Variants in TMA16 observed in about 807,000 individuals in gnomAD.
TMA16 encodes the protein translation machinery-associated protein 16.
Under a neutral mutation model 27.1 loss-of-function variants are expected in TMA16, and 26 were observed. That is an observed-to-expected ratio of 0.96 (90% confidence interval 0.70 to 1.33). The LOEUF (loss-of-function observed/expected upper bound fraction) is 1.33. Ranked by LOEUF, TMA16 falls within the 40% of genes most tolerant of loss-of-function variation. TMA16 has a pLI of 0.00. For missense variants in TMA16, 233 were observed against 241.4 expected, an observed-to-expected ratio of 0.97 and a Z score of 0.23; for synonymous variants, 71 against 81.9, an observed-to-expected ratio of 0.87 and a Z score of 0.72.
rs1737621475 is a variant in TMA16, at chr4:163,499,880, AAC to A, written c.3+5082_3+5083del. On this transcript the variant is annotated intron_variant, in intron 1 of 6. Transcript: ENST00000358572. ...ATAGTTAATGCTAATCTAAAACTTG[AAC>A]ACACAGCAAATGTTACAAATAAATA... Among the ~76,000 whole-genome samples the A allele has an allele frequency of 2.0e-5, 3 of 152,348 alleles. No individual in the cohort carries two copies. In the South Asian group the frequency reaches 6.2e-4, roughly 32 times the overall value.
intron 1 of TMA16, among the ~76,000 whole-genome samples, chr4:163,506,636 A>G (rs982369038): frequency 1.1e-4 from 17 of 152,186 alleles, no homozygotes; most frequent in Non-Finnish European, 2.1e-4. Context: ...AACATCTACA[A>G]TCAAGCCCCT....
In TMA16 at chr4:163,520,115, T is replaced by G. The variant is rs543567236; in HGVS notation, c.*601T>G. 29 of 486,908 alleles carry G rather than the reference T, an allele frequency of 6.0e-5. No homozygotes were observed. Among genetic ancestry groups the G allele is most frequent in the African/African-American group, 4.1e-4 (20 of 49,124 alleles). 30.2% of individuals were successfully genotyped at this position (486,908 alleles called of 1,614,324 possible). Reference sequence around the variant, plus strand: ...GTTATGTTGATCTCCCACAATTAATTTATCTTTTGACAAAGGGGATAAAGA... The same window carrying G: ...GTTATGTTGATCTCCCACAATTAATGTATCTTTTGACAAAGGGGATAAAGA... On this transcript the variant is annotated 3_prime_UTR_variant, in exon 7 of 7. Coordinates refer to ENST00000358572, the MANE Select transcript of TMA16 (RefSeq NM_018352.3).
chr4:163,502,774 G>T (rs1222555841), intron 1 of TMA16, among the ~76,000 whole-genome samples: 1 of 152,044 alleles, frequency 6.6e-6, no homozygotes, highest in African/African-American at 2.4e-5. Flanking sequence ...GGGCTCACTG[G>T]TGCATTTCAC....
chr4:163,516,024 T>C (rs566863262), intron 5 of TMA16: 2 of 153,868 alleles, frequency 1.3e-5, no homozygotes, highest in Non-Finnish European at 2.9e-5. Context: ...CCCACTTCCC[T>C]GGTTCAGGCC....
At chr4:163,496,970 A>G (rs1737562678) in intron 1 of TMA16, among the ~76,000 whole-genome samples, 1 of 152,202 alleles carries the variant, frequency 6.6e-6, no homozygotes, top group African/African-American at 2.4e-5. Flanking sequence ...AGTATTTTTA[A>G]GTATGGCTCA....
At position 163,514,028 on chromosome 4, in the gene TMA16, A is replaced by G. The variant is rs1579019663; in HGVS notation, c.155-46A>G. On this transcript the variant is annotated intron_variant, in intron 3 of 6. Transcript: ENST00000358572. ...ATGATAATGAATATTTACTTGCTTA[A>G]ATGATGACTTGTGGGGTAAACTGTC... 19 of 1,414,776 alleles carry G rather than the reference A, an allele frequency of 1.3e-5. No individual in the cohort carries two copies. The African/African-American group carries it at 1.4e-4, about 11-fold the overall frequency. The allele number at this position is 1,414,776 out of a possible 1,614,324, so 87.6% of individuals were successfully genotyped here. A position where few individuals can be genotyped will look rare whatever the true frequency, so the allele number is the denominator to read the frequency against.
Position 163,519,457 on chromosome 4 carries a change from A to G in TMA16, c.555A>G (p.Glu185=). Residue 185 remains glutamate (E), a synonymous_variant, in exon 7 of 7, where the codon GAA becomes GAG. Transcript: ENST00000358572. ...TIITVDQDLG[E]LELNDESSDS... is the part of the protein sequence containing the mutation. Reference sequence around the variant, plus strand: ...TAACTGTAGACCAAGATTTGGGGGAATTGGAACTAAACGATGAATCAAGTG... The same window carrying G: ...TAACTGTAGACCAAGATTTGGGGGAGTTGGAACTAAACGATGAATCAAGTG... 1 of 1,606,158 alleles carries G rather than the reference A, an allele frequency of 6.2e-7. No individual in the cohort carries two copies. The highest frequency in any genetic ancestry group is 8.5e-7 in the Non-Finnish European group (1 of 1,177,244).
At chr4:163,515,487 C>G in intron 5 of TMA16, 26 bp downstream of exon 5, 1 of 1,597,522 alleles carries the variant, frequency 6.3e-7, no homozygotes. Flanking sequence ...TTTTATTTTC[C>G]TTTTATATGA....
intron 1 of TMA16, among the ~76,000 whole-genome samples, chr4:163,500,175 A>G (rs555754568): frequency 2.8e-4 from 43 of 152,044 alleles, no homozygotes; most frequent in African/African-American, 1.0e-3. Flanking sequence ...TTAAATACTT[A>G]AGAAACGTAT....
chr4:163,499,734 A>G (rs1737617780), intron 1 of TMA16, among the ~76,000 whole-genome samples: 1 of 151,638 alleles, frequency 6.6e-6, no homozygotes, highest in African/African-American at 2.4e-5. Flanking sequence ...TATTATTTTT[A>G]TTGTTATATT....
intron 1 of TMA16, 111 bp downstream of exon 1, chr4:163,494,915 CAA>C (rs1737526279): frequency 6.7e-7 from 1 of 1,490,442 alleles, no homozygotes; most frequent in African/African-American, 1.4e-5. Flanking sequence ...GGGGAGGATG[CAA>C]AGTGTTTATT....
At chr4:163,498,768 G>A (rs561208373) in intron 1 of TMA16, among the ~76,000 whole-genome samples, 31 of 152,238 alleles carry the variant, frequency 2.0e-4, no homozygotes, top group Middle Eastern at 3.4e-3. Context: ...TCGGGCTGAC[G>A]CCTCTGTCTC....
At chr4:163,516,894 T>C (rs1579020974) in intron 5 of TMA16, among the ~76,000 whole-genome samples, 1 of 152,192 alleles carries the variant, frequency 6.6e-6, no homozygotes, top group African/African-American at 2.4e-5. Context: ...AGAAAAAATA[T>C]ACAACCTGGC....
chr4:163,519,713 AATAG>A lies in TMA16; in HGVS notation c.*206_*209del, dbSNP rs1322291961. Reference sequence around the variant, plus strand: ...CTTTTCATTTCCATTAAGTTGCTAAAATAGATAGATGTGATCTGCAGAAGTTGTT... The same window carrying A: ...CTTTTCATTTCCATTAAGTTGCTAAAATAGATGTGATCTGCAGAAGTTGTT... On this transcript the variant is annotated 3_prime_UTR_variant, in exon 7 of 7. Coordinates refer to ENST00000358572, the MANE Select transcript of TMA16 (RefSeq NM_018352.3). 21 of 579,928 alleles carry A rather than the reference AATAG, an allele frequency of 3.6e-5. No homozygotes were observed. The highest frequency in any genetic ancestry group is 1.2e-4 in the African/African-American group (6 of 50,800). 35.9% of individuals were successfully genotyped at this position (579,928 alleles called of 1,614,324 possible). A position where few individuals can be genotyped will look rare whatever the true frequency, so the allele number is the denominator to read the frequency against.
At chr4:163,513,676 A>G (rs1446227955) in intron 3 of TMA16, among the ~76,000 whole-genome samples, 1 of 152,228 alleles carries the variant, frequency 6.6e-6, no homozygotes, top group African/African-American at 2.4e-5. Context: ...AGCTATTTAC[A>G]TAGTGCCTAC....
chr4:163,501,150 C>G (rs1049911042), intron 1 of TMA16, among the ~76,000 whole-genome samples: 1 of 152,140 alleles, frequency 6.6e-6, no homozygotes, highest in South Asian at 2.1e-4. Context: ...TTACTGTTAT[C>G]TCTGGAAAGA....
chr4:163,498,596 A>G (rs1400177677), intron 1 of TMA16, among the ~76,000 whole-genome samples: 1 of 152,050 alleles, frequency 6.6e-6, no homozygotes. Flanking sequence ...TGGTTAAAAG[A>G]TTTTTGACCA....
rs570113265 is a variant in TMA16, at chr4:163,507,066, GA to G, written c.45del (p.Val16SerfsTer25). Reference sequence around the variant, plus strand: ...ACCAAAGGGAAAAAGTGCAGGACGGGAAAAAAAAGTCATCCATCCATATAGT... The same window carrying G: ...ACCAAAGGGAAAAAGTGCAGGACGGGAAAAAAAGTCATCCATCCATATAGT... The part of the protein sequence containing the change: ...KAPKGKSAGR[E>X]KKVIHPYSRK... On this transcript the variant is annotated frameshift_variant, in exon 2 of 7. Transcript: ENST00000358572. LOFTEE classifies it high-confidence loss of function. 32 of 1,592,998 alleles carry G rather than the reference GA, an allele frequency of 2.0e-5. No homozygotes were observed. The highest frequency in any genetic ancestry group is 6.7e-5 in the East Asian group (3 of 44,466).
Position 163,507,139 on chromosome 4 carries a change from A to G in TMA16, c.110A>G (p.Lys37Arg). The change falls in exon 2 of 7, where the codon AAG becomes AGG. Residue 37 changes from lysine (K) to arginine (R), a missense_variant. Physicochemically the swap from Lys to Arg is conservative, Grantham distance 26 (BLOSUM62 2). Coordinates refer to ENST00000358572, the MANE Select transcript of TMA16 (RefSeq NM_018352.3). ...ITREAHKQEK[K>R]EKLKNEKALR... Reference sequence around the variant, plus strand: ...AGAGAGGCCCACAAACAAGAAAAAAAGGAAAAGTAAGTATCTTTTCATCAT... The same window carrying G: ...AGAGAGGCCCACAAACAAGAAAAAAGGGAAAAGTAAGTATCTTTTCATCAT... 6.4e-7 allele frequency: 1 copy of G among 1,569,428 alleles called. No homozygotes were observed.
Sources: gnomAD v4.1 joint callset for allele counts (sites outside exome capture counted in the v4.1 genomes callset) on GRCh38, gnomAD v4.1.1 for gene constraint, MANE v1.5 for transcripts, NCBI Gene and HGNC (gene_info 2026-07-23, HGNC 2026-07-21) for gene names.